RYR3: variants seen among roughly 807,000 people sequenced by gnomAD.
The protein encoded by RYR3 is brain ryanodine receptor-calcium release channel.
Under a neutral mutation model 584.3 loss-of-function variants are expected in RYR3, and 207 were observed. The ratio of observed to expected loss-of-function variants is 0.35; its 90% CI spans 0.32 to 0.40. RYR3 has a LOEUF of 0.40. Ranked by LOEUF, RYR3 falls within the 10% of genes least tolerant of loss-of-function variation. The pLI, the probability that RYR3 is intolerant of heterozygous loss-of-function variation, is 1.00. For synonymous variants in RYR3, 2,416 were observed against 2,248.5 expected (o/e 1.07, Z -2.11); for missense variants, 5,616 against 6,089.2 (o/e 0.92, Z 2.59).
chr15:33,520,311 A>G (rs2053883927), intron 3 of RYR3, among the ~76,000 whole-genome samples: 1 of 152,186 alleles, frequency 6.6e-6, no homozygotes, highest in Admixed American at 6.5e-5. Context: ...TTTTCACGTC[A>G]AGGTAATCGG....
chr15:33,823,664 C>G (rs1167591194), intron 81 of RYR3, among the ~76,000 whole-genome samples: 1 of 152,122 alleles, frequency 6.6e-6, no homozygotes. Flanking sequence ...TAAGCCACCC[C>G]TCATGGCTGA....
At chr15:33,534,195 G>C (rs1451605128) in intron 5 of RYR3, among the ~76,000 whole-genome samples, 1 of 152,228 alleles carries the variant, frequency 6.6e-6, no homozygotes, top group Non-Finnish European at 1.5e-5. Context: ...GATGTAAGGA[G>C]TTTGAGACTA....
At chr15:33,831,835 C>G (rs2077696267) in intron 86 of RYR3, among the ~76,000 whole-genome samples, 1 of 152,084 alleles carries the variant, frequency 6.6e-6, no homozygotes, top group African/African-American at 2.4e-5. Context: ...TTACCATAAT[C>G]AGGAGACTCA....
intron 3 of RYR3, among the ~76,000 whole-genome samples, chr15:33,507,369 C>T (rs1036359192): frequency 6.6e-6 from 1 of 152,160 alleles, no homozygotes; most frequent in Non-Finnish European, 1.5e-5. Flanking sequence ...ATGAGGAGGA[C>T]CTGGAGCAGA....
chr15:33,560,474 TTAAA>T (rs1195950244), intron 10 of RYR3, among the ~76,000 whole-genome samples: 2 of 152,008 alleles, frequency 1.3e-5, no homozygotes, highest in African/African-American at 4.8e-5. Flanking sequence ...AAAGCCATGT[TTAAA>T]TAAGTGAAAG....
At chr15:33,590,685 A>G (rs612420) in intron 16 of RYR3, among the ~76,000 whole-genome samples, 102,875 of 149,006 alleles carry the variant, frequency 0.69, 36,101 homozygotes, top group African/African-American at 0.83. Flanking sequence ...CCTCGAAGGC[A>G]TTTTCATATA....
Position 33,670,542 on chromosome 15 carries a change from AG to A in RYR3, c.5848del (p.Glu1950ArgfsTer7). ...GAGAAGGAGCAGCCGACGGAGGAGGAGGAGAGATGCCCCAGTAAGTGACATT... is the reference window on the plus strand; with the variant it reads ...GAGAAGGAGCAGCCGACGGAGGAGGAGAGAGATGCCCCAGTAAGTGACATT... ...KPEKEQPTEE[E>X]ERCPTTLKEL... On this transcript the variant is annotated frameshift_variant, in exon 38 of 104. Coordinates refer to ENST00000634891, the MANE Select transcript of RYR3 (RefSeq NM_001036.6). LOFTEE classifies it high-confidence loss of function. 6.3e-7 allele frequency: 1 copy of A among 1,583,318 alleles called. No homozygotes were observed. The highest frequency in any genetic ancestry group is 8.5e-7 in the Non-Finnish European group (1 of 1,169,684).
At chr15:33,562,018 G>T (rs1279163355) in intron 10 of RYR3, among the ~76,000 whole-genome samples, 2 of 151,406 alleles carry the variant, frequency 1.3e-5, no homozygotes, top group Non-Finnish European at 2.9e-5. Context: ...GCAATTTAAT[G>T]CAAGATGTAG....
rs1340392115 is a variant in RYR3 at position 33,390,371 on chromosome 15, AATATTTCCAAACACTG to A, written c.51+79288_51+79303del. Among the ~76,000 whole-genome samples the A allele has an allele frequency of 6.6e-6, 1 of 152,244 alleles. No individual in the cohort carries two copies. Among genetic ancestry groups the A allele is most frequent in the Non-Finnish European group, 1.5e-5 (1 of 68,046 alleles). Reference sequence around the variant, plus strand: ...AATTTCACCTGACCTATTGAACACTAATATTTCCAAACACTGATATTTCCAAACTGATATTTGCAGG... The same window carrying A: ...AATTTCACCTGACCTATTGAACACTAATATTTCCAAACTGATATTTGCAGG... On this transcript the variant is annotated intron_variant, in intron 1 of 103. Coordinates refer to ENST00000634891, the MANE Select transcript of RYR3 (RefSeq NM_001036.6). This position sits in a 1 kb window ranked among gnomAD's most constrained non-coding sequence, Gnocchi z 4.2.
chr15:33,336,480 GA>G (rs1567047092), intron 1 of RYR3, among the ~76,000 whole-genome samples: 1 of 20,794 alleles, frequency 4.8e-5, no homozygotes, highest in African/African-American at 5.8e-4. Context: ...GAGAGAGAGA[GA>G]GAGAGAAAGA....
At position 33,628,475 on chromosome 15, in the gene RYR3, T is replaced by C; in HGVS notation, c.2579T>C (p.Ile860Thr). ...IPCPVDTSQV[I>T]LPPHLEKIRD... ...CACTTGCTCCTTTTCCTTTAGGTTATTTTGCCACCTCACCTAGAAAAGATC... is the reference window on the plus strand; with the variant it reads ...CACTTGCTCCTTTTCCTTTAGGTTACTTTGCCACCTCACCTAGAAAAGATC... Residue 860 changes from isoleucine to threonine, a missense_variant, in exon 21 of 104, where the codon ATT becomes ACT. Ile to Thr is a moderately conservative substitution (Grantham distance 89). Coordinates refer to ENST00000634891, the MANE Select transcript of RYR3 (RefSeq NM_001036.6). 1 of 1,605,632 alleles carries C rather than the reference T, an allele frequency of 6.2e-7. No individual in the cohort carries two copies. Among genetic ancestry groups the C allele is most frequent in the Non-Finnish European group, 8.5e-7 (1 of 1,172,352 alleles).
intron 10 of RYR3, among the ~76,000 whole-genome samples, chr15:33,554,009 C>A (rs961296065): frequency 2.0e-5 from 3 of 152,170 alleles, no homozygotes; most frequent in African/African-American, 7.2e-5. Context: ...TGCCTGAACG[C>A]CTTTTGCCCC....
At chr15:33,542,902 G>A (rs915252631) in intron 7 of RYR3, among the ~76,000 whole-genome samples, 3 of 152,090 alleles carry the variant, frequency 2.0e-5, no homozygotes, top group African/African-American at 7.2e-5. Context: ...TTTGAATTAA[G>A]GTTCAGCATT....
At position 33,840,835 on chromosome 15, in the gene RYR3, T is replaced by G; in HGVS notation, c.12989T>G (p.Met4330Arg). Residue 4330 changes from methionine to arginine, a missense_variant, in exon 90 of 104, where the codon ATG becomes AGG. By Grantham distance (91) the Met-to-Arg change is moderately conservative. Transcript: ENST00000634891. ...GTTATTTTTGTCTAGGCAGCAGAAA[T>G]GAAAGCAGCAAATGAAGCAGAAGGA... ...QKKRKAQAAE[M>R]KAANEAEGKV... is the part of the protein sequence containing the mutation. 1 of 1,613,864 alleles carries G rather than the reference T, an allele frequency of 6.2e-7. No homozygotes were observed. Among genetic ancestry groups the G allele is most frequent in the Non-Finnish European group, 8.5e-7 (1 of 1,179,850 alleles).
chr15:33,422,237 C>T (rs978171774), intron 1 of RYR3, among the ~76,000 whole-genome samples: 2 of 152,068 alleles, frequency 1.3e-5, no homozygotes, highest in African/African-American at 2.4e-5. Flanking sequence ...GGTATTCATA[C>T]TTAAACTTGG....
intron 1 of RYR3, among the ~76,000 whole-genome samples, chr15:33,454,690 A>G (rs936986795): frequency 6.6e-5 from 10 of 152,206 alleles, no homozygotes; most frequent in Admixed American, 2.6e-4. Flanking sequence ...TATATGATGC[A>G]AGCCTGAGAA....
Position 33,633,018 on chromosome 15 carries a change from A to C in RYR3, c.2937A>C (p.Gln979His). 3.1e-6 allele frequency: 5 copies of C among 1,614,064 alleles called. No individual in the cohort carries two copies. Among genetic ancestry groups the C allele is most frequent in the Non-Finnish European group, 4.2e-6 (5 of 1,179,894 alleles). Residue 979 changes from glutamine (Q) to histidine (H), a missense_variant, in exon 24 of 104, where the codon CAA (glutamine) becomes CAC (histidine). By Grantham distance (24) the Gln-to-His change is conservative. Coordinates refer to ENST00000634891, the MANE Select transcript of RYR3 (RefSeq NM_001036.6). ...DLSDVKLLPP[Q>H]EILVDKLAEN... Reference sequence around the variant, plus strand: ...CTGATGTGAAGCTGTTACCTCCTCAAGAAATTTTAGTGGATAAGCTTGCAG... The same window carrying C: ...CTGATGTGAAGCTGTTACCTCCTCACGAAATTTTAGTGGATAAGCTTGCAG...
At chr15:33,797,528 T>TA (rs2075694253) in intron 67 of RYR3, among the ~76,000 whole-genome samples, 1 of 152,194 alleles carries the variant, frequency 6.6e-6, no homozygotes, top group South Asian at 2.1e-4. Flanking sequence ...TCATTGCACT[T>TA]ACCACTCTGA....
intron 48 of RYR3, 23 bp downstream of exon 48, chr15:33,731,717 T>C (rs1308532070): frequency 6.7e-7 from 1 of 1,492,650 alleles, no homozygotes; most frequent in Non-Finnish European, 9.3e-7. Context: ...CCTATGTTGT[T>C]ACTTCTGTGT....
Sources: gnomAD v4.1 joint callset for allele counts (sites outside exome capture counted in the v4.1 genomes callset) on GRCh38, gnomAD v4.1.1 for gene constraint, Gnocchi (gnomAD v3.1) non-coding constraint, MANE v1.5 for transcripts, NCBI Gene and HGNC (gene_info 2026-07-23, HGNC 2026-07-21) for gene names.